Variants in ANKS1B observed in about 807,000 individuals in gnomAD.
The protein encoded by ANKS1B is ankyrin repeat and sterile alpha motif domain-containing protein 1B.
ANKS1B carries 36 observed loss-of-function variants against 148.3 expected under a neutral mutation model. The observed-to-expected ratio is 0.24, with a 90% CI of 0.19 to 0.32. The LOEUF (loss-of-function observed/expected upper bound fraction) is 0.32, where lower values mean the gene tolerates loss of function less well. Among genes scored for constraint, ANKS1B ranks in the 10% least tolerant of loss-of-function variants. The pLI, the probability that ANKS1B is intolerant of heterozygous loss-of-function variation, is 1.00. For missense variants in ANKS1B, 1,157 were observed against 1,542.6 expected, an observed-to-expected ratio of 0.75 and a Z score of 4.19; for synonymous variants, 542 against 560.8, an observed-to-expected ratio of 0.97 and a Z score of 0.47.
At chr12:99,971,943 C>A in intron 1 of ANKS1B, among the ~76,000 whole-genome samples, 1 of 152,206 alleles carries the variant, frequency 6.6e-6, no homozygotes, top group East Asian at 1.9e-4. Context: ...AACCATGTGT[C>A]TAACAAGTCC....
chr12:98,990,432 G>C (rs557244954), intron 17 of ANKS1B, among the ~76,000 whole-genome samples: 1 of 151,764 alleles, frequency 6.6e-6, no homozygotes, highest in South Asian at 2.1e-4. Flanking sequence ...AAATTCAAGA[G>C]TCAATGTTTT....
intron 1 of ANKS1B, among the ~76,000 whole-genome samples, chr12:99,940,789 A>T (rs2094900102): frequency 6.6e-6 from 1 of 152,162 alleles, no homozygotes; most frequent in Admixed American, 6.6e-5. Context: ...TCATGAGAAG[A>T]TACAAGTAAA....
intron 17 of ANKS1B, among the ~76,000 whole-genome samples, chr12:98,963,491 T>G (rs2099875314): frequency 6.6e-6 from 1 of 152,154 alleles, no homozygotes; most frequent in African/African-American, 2.4e-5. Context: ...AAAATGATTT[T>G]CTTAAAAAGA....
At chr12:98,835,963 T>C (rs898351316) in intron 17 of ANKS1B, among the ~76,000 whole-genome samples, 2 of 152,238 alleles carry the variant, frequency 1.3e-5, no homozygotes, top group East Asian at 3.8e-4. Context: ...ATATCTCCTG[T>C]AATCCTTACA....
chr12:98,960,016 C>G (rs2099868548), intron 17 of ANKS1B, among the ~76,000 whole-genome samples: 1 of 152,202 alleles, frequency 6.6e-6, no homozygotes, highest in Non-Finnish European at 1.5e-5. Flanking sequence ...GACCTGGCTC[C>G]TGGATGGCAC....
chr12:99,591,214 A>G (rs932005516), intron 9 of ANKS1B, among the ~76,000 whole-genome samples: 2 of 152,112 alleles, frequency 1.3e-5, no homozygotes, highest in African/African-American at 2.4e-5. Context: ...AATGAGAATT[A>G]TGAAATTTTC....
At chr12:99,164,151 A>G (rs1421214983) in intron 14 of ANKS1B, among the ~76,000 whole-genome samples, 1 of 152,116 alleles carries the variant, frequency 6.6e-6, no homozygotes, top group African/African-American at 2.4e-5. Flanking sequence ...TTCTTTACAT[A>G]GTCTAGATAC....
intron 1 of ANKS1B, among the ~76,000 whole-genome samples, chr12:99,837,311 T>C (rs1282964911): frequency 6.6e-6 from 1 of 152,154 alleles, no homozygotes; most frequent in African/African-American, 2.4e-5. Context: ...CCTCCAGGAC[T>C]ATAGGATAAC....
intron 9 of ANKS1B, among the ~76,000 whole-genome samples, chr12:99,518,402 C>T (rs546297483): frequency 9.9e-5 from 15 of 152,184 alleles, no homozygotes; most frequent in African/African-American, 3.4e-4. Context: ...TGTTATTAGT[C>T]TGTTCAGGTT....
In ANKS1B at chr12:99,822,364, T is replaced by C. The variant is rs550043223; in HGVS notation, c.215+2945A>G. ...TTTTATTTTAGATTCAGGGGATATATTGTATGATGCTGAGGTTTGGGATAC... is the reference window on the plus strand; with the variant it reads ...TTTTATTTTAGATTCAGGGGATATACTGTATGATGCTGAGGTTTGGGATAC... On this transcript the variant is annotated intron_variant, in intron 2 of 26. Transcript: ENST00000683438. 8.7e-4 allele frequency among the ~76,000 whole-genome samples: 133 copies of C among 152,312 alleles called. 1 individual carries two copies. Among genetic ancestry groups the C allele is most frequent in the Middle Eastern group, 3.4e-3 (1 of 294 alleles).
chr12:99,735,824 A>AG (rs58660583), intron 8 of ANKS1B, among the ~76,000 whole-genome samples: 7 of 151,172 alleles, frequency 4.6e-5, no homozygotes, highest in Non-Finnish European at 3.0e-5. Flanking sequence ...AAAAAAAAAA[A>AG]GAATATCCCT....
At chr12:99,229,009 C>T (rs117067489) in intron 14 of ANKS1B, among the ~76,000 whole-genome samples, 1 of 151,642 alleles carries the variant, frequency 6.6e-6, no homozygotes, top group South Asian at 2.1e-4. Flanking sequence ...ATAATTTAGA[C>T]AATGAAAATA....
At chr12:99,465,002 A>C (rs1474650032) in intron 10 of ANKS1B, among the ~76,000 whole-genome samples, 2 of 152,194 alleles carry the variant, frequency 1.3e-5, no homozygotes, top group Non-Finnish European at 2.9e-5. Flanking sequence ...AGATTCACCA[A>C]AGTTGAAATG....
At chr12:98,991,023 A>G (rs2099926301) in intron 17 of ANKS1B, among the ~76,000 whole-genome samples, 1 of 152,206 alleles carries the variant, frequency 6.6e-6, no homozygotes, top group Admixed American at 6.5e-5. Context: ...TCTGAAAGTA[A>G]GTCAGTGAGA....
intron 15 of ANKS1B, among the ~76,000 whole-genome samples, chr12:99,144,227 A>G (rs1210476375): frequency 1.3e-5 from 2 of 152,078 alleles, no homozygotes; most frequent in African/African-American, 4.8e-5. Context: ...ATGGAACCCA[A>G]ATAAATATTT....
rs1269579871 is a variant in ANKS1B, at chr12:99,806,466, G to A, written c.607C>T (p.Arg203Cys). Residue 203 changes from arginine (R) to cysteine (C), a missense_variant, in exon 4 of 27, where the codon CGC (arginine) becomes TGC (cysteine). Transcript: ENST00000683438. ...TGCACGACTGCTTTGTGGCCATTGC[G>A]CGCAGCAAGGTGAAGTGGCGTGTGC... is the stretch of plus-strand genomic sequence containing the variant. ...RKHTPLHLAA[R>C]NGHKAVVQVL... 3.7e-6 allele frequency: 6 copies of A among 1,613,788 alleles called. No homozygotes were observed. Among genetic ancestry groups the A allele is most frequent in the Non-Finnish European group, 4.2e-6 (5 of 1,179,866 alleles).
chr12:99,719,433 T>C (rs12828260), intron 8 of ANKS1B, among the ~76,000 whole-genome samples: 66,207 of 151,784 alleles, frequency 0.44, 14,842 homozygotes, highest in South Asian at 0.61. Flanking sequence ...CACTCCATTT[T>C]CCCATATTCT....
intron 9 of ANKS1B, among the ~76,000 whole-genome samples, chr12:99,520,394 C>G (rs7955832): frequency 0.1 from 15,939 of 152,208 alleles, 2,770 homozygotes; most frequent in African/African-American, 0.36. Context: ...ATATGTCATG[C>G]CATTCTCTCC....
At chr12:99,484,537 G>C (rs973562980) in intron 10 of ANKS1B, among the ~76,000 whole-genome samples, 1 of 151,790 alleles carries the variant, frequency 6.6e-6, no homozygotes, top group Admixed American at 6.6e-5. Flanking sequence ...TAAGTCCACC[G>C]TTTCTTTGTT....
Sources: gnomAD v4.1 joint callset for allele counts (sites outside exome capture counted in the v4.1 genomes callset) on GRCh38, gnomAD v4.1.1 for gene constraint, MANE v1.5 for transcripts, NCBI Gene and HGNC (gene_info 2026-07-23, HGNC 2026-07-21) for gene names.